E2F6: variants seen among roughly 807,000 people sequenced by gnomAD.
E2F6 encodes E2F transcription factor 6.
A neutral mutation model predicts 31.5 loss-of-function variants in E2F6; 19 were observed. The ratio of observed to expected loss-of-function variants is 0.60; its 90% CI spans 0.42 to 0.89. E2F6 has a LOEUF of 0.89. Ranked by LOEUF, E2F6 falls within the 40% of genes least tolerant of loss-of-function variation. The pLI is 0.00. For synonymous variants in E2F6, 121 were observed against 127.7 expected (o/e 0.95, Z 0.36); for missense variants, 269 against 341.6 (o/e 0.79, Z 1.67).
intron 3 of E2F6, among the ~76,000 whole-genome samples, chr2:11,452,678 A>G (rs1572496212): frequency 6.6e-6 from 1 of 152,158 alleles, no homozygotes; most frequent in Admixed American, 6.5e-5. Context: ...CCAGGCAACA[A>G]CTGATTTTCA....
At chr2:11,465,498 G>A (rs1017796784) in intron 1 of E2F6, among the ~76,000 whole-genome samples, 12 of 152,220 alleles carry the variant, frequency 7.9e-5, no homozygotes, top group African/African-American at 2.7e-4. Context: ...CATAGAAGGA[G>A]ATAAACATGG....
chr2:11,457,224 T>C lies in E2F6; in HGVS notation c.118A>G (p.Ile40Val). The C allele has an allele frequency of 6.5e-7, 1 of 1,545,592 alleles. No individual in the cohort carries two copies. ...ACATTATCTTCTAAATTAATCCTTATTTTTGATGGCTGAAAAAAAAGATAA... is the reference window on the plus strand; with the variant it reads ...ACATTATCTTCTAAATTAATCCTTACTTTTGATGGCTGAAAAAAAAGATAA... ...INVEGLLPSK[I>V]RINLEDNVQY... The change falls in exon 2 of 7, where the codon ATA (isoleucine) becomes GTA (valine). Residue 40 changes from isoleucine to valine, a missense_variant. Ile to Val is a conservative substitution (Grantham distance 29, BLOSUM62 3). Coordinates refer to ENST00000381525, the MANE Select transcript of E2F6 (RefSeq NM_198256.4).
At chr2:11,446,857 C>A (rs1427058325) in intron 6 of E2F6, among the ~76,000 whole-genome samples, 1 of 152,214 alleles carries the variant, frequency 6.6e-6, no homozygotes, top group Non-Finnish European at 1.5e-5. Flanking sequence ...ATGTGGGCAA[C>A]AGCCCCCTCT....
At chr2:11,455,613 T>C (rs973180007) in intron 2 of E2F6, 2 of 446,032 alleles carry the variant, frequency 4.5e-6, no homozygotes, top group Non-Finnish European at 8.0e-6. Flanking sequence ...ATTATACTAA[T>C]TATTAACAAG....
rs1338253016 is a variant in E2F6 at position 11,446,593 on chromosome 2, C to T, written c.800-70G>A. ...TAAGTGAAGGTCTGATAGGCAAATA[C>T]GTAAAAGAATACACAATCTGACTAC... is the stretch of plus-strand genomic sequence containing the variant. On this transcript the variant is annotated intron_variant, in intron 6 of 6. Coordinates refer to ENST00000381525, the MANE Select transcript of E2F6 (RefSeq NM_198256.4). 2.1e-5 allele frequency: 27 copies of T among 1,298,622 alleles called. No homozygotes were observed. The East Asian group carries it at 3.5e-4, about 17-fold the overall frequency. 80.4% of individuals were successfully genotyped at this position (1,298,622 alleles called of 1,614,324 possible).
At chr2:11,456,469 C>A (rs1383447274) in intron 2 of E2F6, among the ~76,000 whole-genome samples, 1 of 152,182 alleles carries the variant, frequency 6.6e-6, no homozygotes, top group African/African-American at 2.4e-5. Context: ...GTAAGAGATT[C>A]AACCCTGACT....
Position 11,445,045 on chromosome 2 carries a change from G to A in E2F6, c.*1432C>T, listed in dbSNP as rs976659319. The A allele has an allele frequency of 6.6e-6, 1 of 152,260 alleles. No individual in the cohort carries two copies. The highest frequency in any genetic ancestry group is 1.5e-5 in the Non-Finnish European group (1 of 68,066). The allele number at this position is 152,260 out of a possible 1,614,324, so 9.4% of individuals were successfully genotyped here. A position where few individuals can be genotyped will look rare whatever the true frequency, so the allele number is the denominator to read the frequency against. The stretch of plus-strand genomic sequence containing the variant: ...CGGCAGGACTGCTGCAGGAAGGGCT[G>A]GTGCTCAGCAGAGGGACAGGACTGG... On this transcript the variant is annotated 3_prime_UTR_variant, in exon 7 of 7. Transcript: ENST00000381525.
rs750544995 is a variant in E2F6, at chr2:11,453,666, C to T, written c.296G>A (p.Arg99Gln). The change falls in exon 3 of 7, where the codon CGA becomes CAA. Residue 99 changes from arginine to glutamine, a missense_variant. By Grantham distance (43) the Arg-to-Gln change is conservative. Transcript: ENST00000381525. ...LNKVATKLGV[R>Q]KRRVYDITNV... ...GGTGATGTCATACACTCTCCGCTTTCGGACTCCCAGTTTCGTTGCAACCTT... is the reference window on the plus strand; with the variant it reads ...GGTGATGTCATACACTCTCCGCTTTTGGACTCCCAGTTTCGTTGCAACCTT... 5.0e-6 allele frequency: 8 copies of T among 1,614,166 alleles called. No homozygotes were observed. Among genetic ancestry groups the T allele is most frequent in the Admixed American group, 3.3e-5 (2 of 60,030 alleles).
rs1558467904 is a variant in E2F6 at position 11,466,071 on chromosome 2, CG to C, written c.-193del. ...TAAACGCGGCACGGCCTCACGTGCCCGGGAGCTCCCGACGCAGACGGAAAAA... is the reference window on the plus strand; with the variant it reads ...TAAACGCGGCACGGCCTCACGTGCCCGGAGCTCCCGACGCAGACGGAAAAA... On this transcript the variant is annotated 5_prime_UTR_variant, in exon 1 of 7. It introduces an in-frame stop codon into an upstream open reading frame of the 5' UTR. Transcript: ENST00000381525. 1 of 523,936 alleles carries C rather than the reference CG, an allele frequency of 1.9e-6. No homozygotes were observed. Among genetic ancestry groups the C allele is most frequent in the Admixed American group, 3.9e-5 (1 of 25,622 alleles). 32.5% of individuals were successfully genotyped at this position (523,936 alleles called of 1,614,324 possible). A position where few individuals can be genotyped will look rare whatever the true frequency, so the allele number is the denominator to read the frequency against.
Position 11,451,823 on chromosome 2 carries a change from AT to A in E2F6, c.381-18del. The A allele has an allele frequency of 6.2e-7, 1 of 1,601,134 alleles. No homozygotes were observed. Among genetic ancestry groups the A allele is most frequent in the Non-Finnish European group, 8.5e-7 (1 of 1,172,374 alleles). On this transcript the variant is annotated intron_variant, in intron 3 of 6. Coordinates refer to ENST00000381525, the MANE Select transcript of E2F6 (RefSeq NM_198256.4). ...TCAGATCCTCTTTAGAAGAAAAAAA[AT>A]GTCAGCATCAATACCAACTAGGAGA... is the stretch of plus-strand genomic sequence containing the variant.
chr2:11,457,118 C>T, intron 2 of E2F6, 61 bp downstream of exon 2: 8 of 1,234,378 alleles, frequency 6.5e-6, no homozygotes, highest in African/African-American at 1.5e-5. Context: ...TTAAACAAAT[C>T]ATTTTAATCA....
intron 1 of E2F6, among the ~76,000 whole-genome samples, chr2:11,464,034 C>G (rs372165150): frequency 4.0e-5 from 6 of 149,570 alleles, no homozygotes; most frequent in Non-Finnish European, 5.9e-5. Flanking sequence ...GCCAGAGAAG[C>G]AGATGGAGCA....
rs762198936 is a variant in E2F6, at chr2:11,447,724, A to G, written c.702T>C (p.Tyr234=). 2 of 1,612,222 alleles carry G rather than the reference A, an allele frequency of 1.2e-6. No individual in the cohort carries two copies. The highest frequency in any genetic ancestry group is 1.7e-5 in the Admixed American group (1 of 60,020). Residue 234 remains tyrosine (Y), a synonymous_variant, in exon 6 of 7, where the codon TAT becomes TAC. Transcript: ENST00000381525. ...TCTGACCCTGCTCCACTTCACACAA[A>G]TAGACATCGATAGGTCCGTTGGTGC... is the stretch of plus-strand genomic sequence containing the variant. ...IRSTNGPIDV[Y]LCEVEQGQTS...
chr2:11,459,168 A>G (rs1671604564), intron 1 of E2F6, among the ~76,000 whole-genome samples: 1 of 152,154 alleles, frequency 6.6e-6, no homozygotes, highest in African/African-American at 2.4e-5. Flanking sequence ...ATCCTTATAT[A>G]TAAGCTCAGA....
chr2:11,459,794 G>T (rs529423258), intron 1 of E2F6, among the ~76,000 whole-genome samples: 4 of 152,218 alleles, frequency 2.6e-5, no homozygotes, highest in Non-Finnish European at 4.4e-5. Context: ...TGAGGCAGGA[G>T]AATCGCTTGA....
Position 11,454,762 on chromosome 2 carries a change from T to TA in E2F6, c.164-965dup, listed in dbSNP as rs1553335158. Among the ~76,000 whole-genome samples, 5 of 151,774 alleles carry TA rather than the reference T, an allele frequency of 3.3e-5. 1 individual carries two copies. The East Asian group carries it at 9.6e-4, about 29-fold the overall frequency. On this transcript the variant is annotated intron_variant, in intron 2 of 6. Transcript: ENST00000381525. ...CCTACTATAATGACTGGGGTTTTCA[T>TA]ACACACACACACCTCTAACACATTC... is the stretch of plus-strand genomic sequence containing the variant.
At position 11,446,197 on chromosome 2, in the gene E2F6, C is replaced by T. The variant is rs577603226; in HGVS notation, c.*280G>A. 32 of 437,012 alleles carry T rather than the reference C, an allele frequency of 7.3e-5. No homozygotes were observed. The East Asian group carries it at 7.8e-4, about 11-fold the overall frequency. 27.1% of individuals were successfully genotyped at this position (437,012 alleles called of 1,614,324 possible). ...CCATTTCAGCCTGACTGTCTGTCTTCATGACACTCTGTGATGAAGCTACTT... is the reference window on the plus strand; with the variant it reads ...CCATTTCAGCCTGACTGTCTGTCTTTATGACACTCTGTGATGAAGCTACTT... On this transcript the variant is annotated 3_prime_UTR_variant, in exon 7 of 7. Coordinates refer to ENST00000381525, the MANE Select transcript of E2F6 (RefSeq NM_198256.4).
chr2:11,458,246 G>C (rs927015665), intron 1 of E2F6: 6 of 1,549,282 alleles, frequency 3.9e-6, no homozygotes, highest in Non-Finnish European at 5.2e-6. Flanking sequence ...AGAATCAACA[G>C]CAGTACTAGG....
At chr2:11,454,804 C>T (rs1040320343) in intron 2 of E2F6, among the ~76,000 whole-genome samples, 1 of 152,120 alleles carries the variant, frequency 6.6e-6, no homozygotes, top group African/African-American at 2.4e-5. Flanking sequence ...GTGTGCCAAT[C>T]ATATATATAG....
Sources: gnomAD v4.1 joint callset for allele counts (sites outside exome capture counted in the v4.1 genomes callset) on GRCh38, gnomAD v4.1.1 for gene constraint, MANE v1.5 for transcripts, NCBI Gene and HGNC (gene_info 2026-07-23, HGNC 2026-07-21) for gene names.